The following NRP2 variants were observed in gnomAD, a reference collection of about 807,000 sequenced individuals.
The protein encoded by NRP2 is neuropilin 2.
NRP2 carries 52 observed loss-of-function variants against 110.4 expected under a neutral mutation model. The ratio of observed to expected loss-of-function variants is 0.47; its 90% confidence interval spans 0.38 to 0.59. The LOEUF (loss-of-function observed/expected upper bound fraction) is 0.59, where lower values mean the gene tolerates loss of function less well. Ranked by LOEUF, NRP2 falls within the 20% of genes least tolerant of loss-of-function variation. The probability of loss-of-function intolerance (pLI) is 0.00; values close to 1 mark genes in which losing one functional copy is unlikely to be tolerated. For missense variants in NRP2, 1,049 were observed against 1,203.0 expected (o/e 0.87, Z 1.89); for synonymous variants, 508 against 468.9 (o/e 1.08, Z -1.08).
chr2:205,783,986 A>C (rs972616121), intron 15 of NRP2, among the ~76,000 whole-genome samples: 1 of 119,944 alleles, frequency 8.3e-6, no homozygotes, highest in Admixed American at 1.0e-4. Context: ...GATGAACTAG[A>C]GTGCATCTCT....
At chr2:205,708,564 G>A (rs983623111) in intron 2 of NRP2, among the ~76,000 whole-genome samples, 1 of 152,238 alleles carries the variant, frequency 6.6e-6, no homozygotes, top group African/African-American at 2.4e-5. Context: ...TTGGCAGCCT[G>A]CTCCATGAGG....
chr2:205,764,785 C>CCCA (rs2057886704), intron 13 of NRP2, among the ~76,000 whole-genome samples: 1 of 152,196 alleles, frequency 6.6e-6, no homozygotes, highest in Non-Finnish European at 1.5e-5. Context: ...AGACCTTCCC[C>CCCA]ACCCCCATCT....
At chr2:205,720,948 G>A (rs762627100) in intron 3 of NRP2, among the ~76,000 whole-genome samples, 180 of 152,344 alleles carry the variant, frequency 1.2e-3, no homozygotes, top group Non-Finnish European at 1.9e-3. Flanking sequence ...TTGCCCTCGT[G>A]TGTTCCTAGT....
chr2:205,722,217 C>G, intron 3 of NRP2: 1 of 512,744 alleles, frequency 2.0e-6, no homozygotes. Flanking sequence ...ACACACTTCT[C>G]TGTACCTCCA....
In NRP2 at chr2:205,696,113, C is replaced by T. The variant is rs142469817; in HGVS notation, c.74-1431C>T. On this transcript the variant is annotated intron_variant, in intron 1 of 16. Transcript: ENST00000357785. ...GTTTGAGCTCGTGGAGGCTTGATGC[C>T]GAAAAGGCTACTTGTGTGGATTTGT... is the stretch of plus-strand genomic sequence containing the variant. Among the ~76,000 whole-genome samples the T allele has an allele frequency of 2.8e-3, 429 of 152,264 alleles. 2 individuals are homozygous for T. Among genetic ancestry groups the T allele is most frequent in the Middle Eastern group, 6.8e-3 (2 of 294 alleles).
At chr2:205,786,458 C>G (rs2058237096) in intron 15 of NRP2, among the ~76,000 whole-genome samples, 3 of 152,230 alleles carry the variant, frequency 2.0e-5, no homozygotes, top group Admixed American at 2.0e-4. Context: ...AAATAAATCA[C>G]AGCCCCCAAA....
chr2:205,768,637 T>C (rs1290001637), intron 15 of NRP2, among the ~76,000 whole-genome samples: 1 of 152,108 alleles, frequency 6.6e-6, no homozygotes, highest in Non-Finnish European at 1.5e-5. Flanking sequence ...ATACATAAAA[T>C]CTCATCTGAG....
At chr2:205,766,161 A>T (rs2057914077) in intron 14 of NRP2, among the ~76,000 whole-genome samples, 1 of 152,234 alleles carries the variant, frequency 6.6e-6, no homozygotes, top group Non-Finnish European at 1.5e-5. Flanking sequence ...GGATATCATA[A>T]CCATCATCTT....
chr2:205,696,537 G>A (rs2056430479), intron 1 of NRP2, among the ~76,000 whole-genome samples: 1 of 152,196 alleles, frequency 6.6e-6, no homozygotes, highest in African/African-American at 2.4e-5. Flanking sequence ...AAGAATCCCT[G>A]CTGGGGATTG....
rs2057043478 is a variant in NRP2 at position 205,722,635 on chromosome 2, G to A, written c.591G>A (p.Glu197=). 6.2e-7 allele frequency: 1 copy of A among 1,614,100 alleles called. No homozygotes were observed. Residue 197 remains glutamate, a synonymous_variant, in exon 4 of 17, where the codon GAG becomes GAA. Coordinates refer to ENST00000357785, the MANE Select transcript of NRP2 (RefSeq NM_003872.3). Reference sequence around the variant, plus strand: ...TGCAGTTCCTGATCTTTGACCTGGAGCATGACCCTTTGCAGGTGGGAGAGG... The same window carrying A: ...TGCAGTTCCTGATCTTTGACCTGGAACATGACCCTTTGCAGGTGGGAGAGG... The part of the protein sequence containing the change: ...IILQFLIFDL[E]HDPLQVGEGD...
chr2:205,765,357 C>CACACACACACACAT, intron 13 of NRP2, 117 bp from the exon 14 acceptor site: 1 of 836,994 alleles, frequency 1.2e-6, no homozygotes, highest in East Asian at 2.4e-5. Flanking sequence ...ATAACACACA[C>CACACACACACACAT]ACACACACAC....
intron 1 of NRP2, among the ~76,000 whole-genome samples, chr2:205,693,294 C>T (rs1442867581): frequency 2.0e-5 from 3 of 152,216 alleles, no homozygotes; most frequent in African/African-American, 7.2e-5. Context: ...TGCTCTTTCT[C>T]TTTTCCATAG....
chr2:205,771,258 G>A (rs1029797891), intron 15 of NRP2, among the ~76,000 whole-genome samples: 3 of 152,160 alleles, frequency 2.0e-5, no homozygotes, highest in South Asian at 2.1e-4. Flanking sequence ...GGAAAGAGTC[G>A]TTTCTCAGGG....
At chr2:205,697,805 A>G in intron 2 of NRP2, 84 bp downstream of exon 2, 1 of 1,334,824 alleles carries the variant, frequency 7.5e-7, no homozygotes, top group Non-Finnish European at 1.1e-6. Context: ...CACTTCTATC[A>G]CCCCTCACCC....
At chr2:205,748,020 T>C (rs1336379318) in intron 10 of NRP2, among the ~76,000 whole-genome samples, 2 of 152,118 alleles carry the variant, frequency 1.3e-5, no homozygotes, top group Non-Finnish European at 2.9e-5. Context: ...GGCAGTTACC[T>C]TGGAGCACCC....
At chr2:205,715,630 T>G (rs1171838067) in intron 2 of NRP2, among the ~76,000 whole-genome samples, 1 of 151,986 alleles carries the variant, frequency 6.6e-6, no homozygotes, top group African/African-American at 2.4e-5. Context: ...AGGGGAAAAT[T>G]GAAACAGGGG....
At chr2:205,760,456 A>T (rs537570237) in intron 12 of NRP2, among the ~76,000 whole-genome samples, 1 of 152,296 alleles carries the variant, frequency 6.6e-6, no homozygotes, top group African/African-American at 2.4e-5. Flanking sequence ...TCGTCTGGAG[A>T]TTCTGCAGAC....
intron 1 of NRP2, among the ~76,000 whole-genome samples, chr2:205,687,281 AGT>A: frequency 6.6e-6 from 1 of 152,194 alleles, no homozygotes; most frequent in Non-Finnish European, 1.5e-5. Flanking sequence ...AAGGGTTTGA[AGT>A]GTTTCTTTTA....
intron 1 of NRP2, among the ~76,000 whole-genome samples, chr2:205,684,602 T>A (rs183182878): frequency 1.3e-3 from 204 of 152,160 alleles, no homozygotes; most frequent in Non-Finnish European, 1.1e-3. Flanking sequence ...CTTGGGCATT[T>A]ATTTGAGGGG....
Sources: gnomAD v4.1 joint callset for allele counts (sites outside exome capture counted in the v4.1 genomes callset) on GRCh38, gnomAD v4.1.1 for gene constraint, MANE v1.5 for transcripts, NCBI Gene and HGNC (gene_info 2026-07-23, HGNC 2026-07-21) for gene names.